The following PKP3 variants were observed in gnomAD, a reference collection of about 807,000 sequenced individuals.
PKP3 encodes the protein plakophilin-3.
In PKP3, 66 loss-of-function variants were observed where a neutral mutation model predicts 76.5. The observed-to-expected ratio is 0.86, with a 90% confidence interval of 0.71 to 1.06. The LOEUF (loss-of-function observed/expected upper bound fraction) is 1.06, where lower values mean the gene tolerates loss of function less well. Ranked by LOEUF, PKP3 falls within the 50% of genes least tolerant of loss-of-function variation. PKP3 has a pLI of 0.00. For missense variants in PKP3, 1,338 were observed against 1,141.0 expected (o/e 1.17, Z -2.49); for synonymous variants, 638 against 516.5 (o/e 1.24, Z -3.19).
intron 1 of PKP3, among the ~76,000 whole-genome samples, chr11:394,745 A>G (rs1488094018): frequency 6.6e-6 from 1 of 152,216 alleles, no homozygotes; most frequent in African/African-American, 2.4e-5. Flanking sequence ...GAGCCTGGCC[A>G]GGCCCCACCT....
chr11:393,392 C>T (rs150195296), upstream of PKP3: 6,996 of 152,086 alleles, frequency 0.046, 206 homozygotes, highest in Non-Finnish European at 0.075. Context: ...CCCCCTGGGG[C>T]GGCCCCGCCC....
Position 397,670 on chromosome 11 carries a change from C to G in PKP3, c.1068+8C>G. ...GCAGCCGCCAAGAAGCAGGTGACCA[C>G]CCCGACCACCCACTCGCTGCCCCCT... On this transcript the variant is annotated splice_region_variant and intron_variant, in intron 4 of 12. Transcript: ENST00000331563. 2 of 1,608,718 alleles carry G rather than the reference C, an allele frequency of 1.2e-6. No individual in the cohort carries two copies. Among genetic ancestry groups the G allele is most frequent in the Non-Finnish European group, 1.7e-6 (2 of 1,177,530 alleles).
chr11:394,644 C>T (rs1163373748), intron 1 of PKP3, 120 bp downstream of exon 1: 4 of 814,890 alleles, frequency 4.9e-6, no homozygotes, highest in Admixed American at 4.5e-5. Context: ...AGGCCTCACA[C>T]TGAGTCACAC....
At chr11:393,720 G>A (rs923315838), upstream of PKP3, among the ~76,000 whole-genome samples, 1 of 152,092 alleles carries the variant, frequency 6.6e-6, no homozygotes, top group Non-Finnish European at 1.5e-5. Flanking sequence ...TCCCGACAGT[G>A]TCTCCTGCCA....
chr11:394,199 CG>C (rs1847011726), upstream of PKP3: 1 of 1,378,820 alleles, frequency 7.3e-7, no homozygotes, highest in Non-Finnish European at 9.3e-7. Context: ...GCTGGCTGGG[CG>C]GGGACTTCAG....
In PKP3 at chr11:404,743, T is replaced by C. The variant is rs1847228825; in HGVS notation, c.*174T>C. The stretch of plus-strand genomic sequence containing the variant: ...GGCCACCAGGAGGGGCAGGGTCTTA[T>C]AGCTGGGGACTTGGCTTCCGCAGGG... On this transcript the variant is annotated 3_prime_UTR_variant, in exon 13 of 13. Coordinates refer to ENST00000331563, the MANE Select transcript of PKP3 (RefSeq NM_007183.4). The surrounding 1 kb of genome is among the most constrained non-coding windows in gnomAD (Gnocchi z 4.2). The C allele has an allele frequency of 1.1e-5, 7 of 616,360 alleles. No homozygotes were observed. Among genetic ancestry groups the C allele is most frequent in the Non-Finnish European group, 5.7e-6 (2 of 348,322 alleles). The allele number at this position is 616,360 out of a possible 1,614,324, so 38.2% of individuals were successfully genotyped here.
rs1171867485 is a variant in PKP3, at chr11:394,428, G to A, written c.136G>A (p.Val46Ile). ...GGCCGAGCGGCTGCGGGCAGCCCGC[G>A]TCCAGGAGCAGGTCCGCGCCCGCCT... ...PEAERLRAAR[V>I]QEQVRARLLQ... is the part of the protein sequence containing the mutation. Residue 46 changes from valine (V) to isoleucine (I), a missense_variant, in exon 1 of 13, where the codon GTC (valine) becomes ATC (isoleucine). Transcript: ENST00000331563. The A allele has an allele frequency of 1.1e-5, 16 of 1,469,066 alleles. No homozygotes were observed. The highest frequency in any genetic ancestry group is 1.5e-5 in the African/African-American group (1 of 67,652). 91.0% of individuals were successfully genotyped at this position (1,469,066 alleles called of 1,614,324 possible).
upstream of PKP3, among the ~76,000 whole-genome samples, chr11:393,866 C>T (rs906923329): frequency 1.3e-5 from 2 of 152,152 alleles, no homozygotes; most frequent in Non-Finnish European, 2.9e-5. Context: ...GGTGGCAGGA[C>T]ATAGGCCCCC....
rs114329391 is a variant in PKP3 at position 403,795 on chromosome 11, C to G, written c.2077+24C>G. On this transcript the variant is annotated intron_variant, in intron 10 of 12. Coordinates refer to ENST00000331563, the MANE Select transcript of PKP3 (RefSeq NM_007183.4). The stretch of plus-strand genomic sequence containing the variant: ...GTGTGAGTCGGGCAGCCCCTCGTCC[C>G]TGCCCTGCTGGACCCACATGTCAAT... The G allele has an allele frequency of 2.0e-3, 3,168 of 1,602,406 alleles. 55 individuals are homozygous for G. The African/African-American group carries it at 0.035, about 18-fold the overall frequency.
Position 400,157 on chromosome 11 carries a change from G to A in PKP3, c.1448+16G>A, listed in dbSNP as rs1013676725. ...GCTTCCTCAGGTGCGCCAGCCTCGG[G>A]CAGCGGGGTGGGGATTGCAGGCGCG... On this transcript the variant is annotated intron_variant, in intron 6 of 12. Coordinates refer to ENST00000331563, the MANE Select transcript of PKP3 (RefSeq NM_007183.4). 1.3e-6 allele frequency: 2 copies of A among 1,526,536 alleles called. No individual in the cohort carries two copies. Among genetic ancestry groups the A allele is most frequent in the African/African-American group, 1.4e-5 (1 of 72,128 alleles). 94.6% of individuals were successfully genotyped at this position (1,526,536 alleles called of 1,614,324 possible).
At chr11:396,431 G>A in intron 1 of PKP3, 177 bp from the exon 2 acceptor site, 3 of 545,412 alleles carry the variant, frequency 5.5e-6, no homozygotes, top group East Asian at 3.2e-5. Context: ...TGACATGTGA[G>A]GAGACCAAGC....
chr11:395,007 G>T (rs1847027017), intron 1 of PKP3, among the ~76,000 whole-genome samples: 1 of 152,202 alleles, frequency 6.6e-6, no homozygotes, highest in Non-Finnish European at 1.5e-5. Flanking sequence ...GGCCTGTCTG[G>T]ACCAGGGGCT....
upstream of PKP3, among the ~76,000 whole-genome samples, chr11:393,713 C>T (rs1452759720): frequency 6.6e-6 from 1 of 152,100 alleles, no homozygotes. Flanking sequence ...CCCTGACTCC[C>T]GACAGTGTCT....
At chr11:403,880 G>C (rs10794318) in intron 10 of PKP3, 63 bp from the exon 11 acceptor site, 308,668 of 1,560,952 alleles carry the variant, frequency 0.2, 37,519 homozygotes, top group East Asian at 0.62. Flanking sequence ...GGGGGAGGCA[G>C]GGGACCCCAG....
intron 1 of PKP3, among the ~76,000 whole-genome samples, chr11:395,584 C>T (rs985984189): frequency 7.2e-5 from 11 of 152,190 alleles, no homozygotes; most frequent in African/African-American, 2.7e-4. Flanking sequence ...GTGAGGTCCC[C>T]AGGCTGGGGC....
At position 400,316 on chromosome 11, in the gene PKP3, A is replaced by T; in HGVS notation, c.1449-18A>T. ...GATGCGGGGTCCCTGGGGGGCTCTG[A>T]TCCACCTCGGTCCCCAGGAACCTCA... On this transcript the variant is annotated intron_variant, in intron 6 of 12. Coordinates refer to ENST00000331563, the MANE Select transcript of PKP3 (RefSeq NM_007183.4). 1 of 1,536,482 alleles carries T rather than the reference A, an allele frequency of 6.5e-7. No homozygotes were observed. Among genetic ancestry groups the T allele is most frequent in the Non-Finnish European group, 8.8e-7 (1 of 1,136,252 alleles).
chr11:399,065 C>T lies in PKP3; in HGVS notation c.1142C>T (p.Ala381Val), dbSNP rs138411889. ...GCCAACCAGGAAGTGCAGCGCCATG[C>T]CACAGGTGCCATGCGCAACCTCATC... Reference protein sequence around the residue: ...NHANQEVQRHATGAMRNLIYD... With the variant: ...NHANQEVQRHVTGAMRNLIYD... Residue 381 changes from alanine to valine, a missense_variant, in exon 5 of 13, where the codon GCC becomes GTC. Coordinates refer to ENST00000331563, the MANE Select transcript of PKP3 (RefSeq NM_007183.4). The T allele has an allele frequency of 5.0e-6, 8 of 1,610,810 alleles. No individual in the cohort carries two copies. Among genetic ancestry groups the T allele is most frequent in the Non-Finnish European group, 5.9e-6 (7 of 1,178,768 alleles).
intron 4 of PKP3, 140 bp downstream of exon 4, chr11:397,802 C>G (rs1847075178): frequency 5.1e-6 from 4 of 787,624 alleles, no homozygotes; most frequent in Non-Finnish European, 7.9e-6. Context: ...CTGGAGCCCC[C>G]TCAGCAGAGG....
Position 403,092 on chromosome 11 carries a change from C to T in PKP3, c.1752C>T (p.Ala584=), listed in dbSNP as rs752048268. ...SRRLRELPLA[A]DALTFAEVSK... ...GCCCTGCGCAGCTGCCCCTCGCCGCCGATGCGCTCACCTTCGCGGAGGTGT... is the reference window on the plus strand; with the variant it reads ...GCCCTGCGCAGCTGCCCCTCGCCGCTGATGCGCTCACCTTCGCGGAGGTGT... Residue 584 remains alanine, a synonymous_variant, in exon 9 of 13, where the codon GCC becomes GCT. Transcript: ENST00000331563. 9.9e-6 allele frequency: 15 copies of T among 1,508,248 alleles called. No homozygotes were observed. The highest frequency in any genetic ancestry group is 4.6e-5 in the African/African-American group (3 of 64,542). 93.4% of individuals were successfully genotyped at this position (1,508,248 alleles called of 1,614,324 possible). A position where few individuals can be genotyped will look rare whatever the true frequency, so the allele number is the denominator to read the frequency against.
Sources: gnomAD v4.1 joint callset for allele counts (sites outside exome capture counted in the v4.1 genomes callset) on GRCh38, gnomAD v4.1.1 for gene constraint, Gnocchi (gnomAD v3.1) non-coding constraint, MANE v1.5 for transcripts, NCBI Gene and HGNC (gene_info 2026-07-23, HGNC 2026-07-21) for gene names.